Variants in METTL15 observed in about 807,000 individuals in gnomAD.
METTL15 encodes methyltransferase 15, mitochondrial 12S rRNA N4-cytidine.
METTL15 carries 34 observed loss-of-function variants against 38.3 expected under a neutral mutation model. The observed-to-expected ratio is 0.89, with a 90% CI of 0.68 to 1.18. The LOEUF (loss-of-function observed/expected upper bound fraction) is 1.18, where lower values mean the gene tolerates loss of function less well. Ranked by LOEUF, METTL15 falls within the 50% of genes most tolerant of loss-of-function variation. The probability of loss-of-function intolerance (pLI) is 0.00; values close to 1 mark genes in which losing one functional copy is unlikely to be tolerated. For missense variants in METTL15, 438 were observed against 498.4 expected (o/e 0.88, Z 1.15); for synonymous variants, 162 against 170.9 (o/e 0.95, Z 0.41).
rs547003427 is a variant in METTL15 at position 28,475,656 on chromosome 11, T to A, written c.*425-50822T>A. On this transcript the variant is annotated intron_variant and NMD_transcript_variant, in intron 6 of 7. Transcript: ENST00000532947. Reference sequence around the variant, plus strand: ...GTTATGTTCTGTTCAGAGTGTTATCTTTTAGGCTCCCAAGGTTGCAGTTCT... The same window carrying A: ...GTTATGTTCTGTTCAGAGTGTTATCATTTAGGCTCCCAAGGTTGCAGTTCT... Among the ~76,000 whole-genome samples, 3 of 152,324 alleles carry A rather than the reference T, an allele frequency of 2.0e-5. No individual in the cohort carries two copies. In the East Asian group the frequency reaches 5.8e-4, roughly 29 times the overall value.
chr11:28,397,441 T>C (rs1850583284), intron 5 of METTL15, among the ~76,000 whole-genome samples: 1 of 152,096 alleles, frequency 6.6e-6, no homozygotes, highest in African/African-American at 2.4e-5. Flanking sequence ...TATGAACAGA[T>C]ACTTCTCAAA....
Position 28,120,859 on chromosome 11 carries a change from TCC to T in METTL15, c.270+7256_270+7257del, listed in dbSNP as rs1305435795. 1.9e-4 allele frequency among the ~76,000 whole-genome samples: 29 copies of T among 152,286 alleles called. No homozygotes were observed. In the South Asian group the frequency reaches 6.0e-3, roughly 32 times the overall value. ...TTCTCTTGACTGCTTCAGAACCTTG[TCC>T]TTTTTTTCTCCTTTTTTCTTTTTTT... On this transcript the variant is annotated intron_variant, in intron 3 of 6. Coordinates refer to ENST00000407364, the MANE Select transcript of METTL15 (RefSeq NM_001113528.2).
intron 6 of METTL15, among the ~76,000 whole-genome samples, chr11:28,445,797 A>G (rs1037967058): frequency 6.6e-6 from 1 of 151,898 alleles, no homozygotes; most frequent in Admixed American, 6.5e-5. Context: ...AACTACTGAC[A>G]TGTGCCACCA....
At chr11:28,348,589 G>A (rs1472416876) in intron 3 of METTL15, among the ~76,000 whole-genome samples, 1 of 151,772 alleles carries the variant, frequency 6.6e-6, no homozygotes, top group African/African-American at 2.4e-5. Context: ...GGCTGGTCTC[G>A]AACTTCTGGA....
rs1267259476 is a variant in METTL15 at position 28,331,624 on chromosome 11, C to G, written c.*783C>G. On this transcript the variant is annotated 3_prime_UTR_variant, in exon 7 of 7. Coordinates refer to ENST00000407364, the MANE Select transcript of METTL15 (RefSeq NM_001113528.2). ...GCTAATCAAAATAATTCAGCCAAGT[C>G]TATTTGAAATAGAAAACTGTCTATT... is the stretch of plus-strand genomic sequence containing the variant. 2 of 151,118 alleles carry G rather than the reference C, an allele frequency of 1.3e-5. No individual in the cohort carries two copies. The highest frequency in any genetic ancestry group is 3.0e-5 in the Non-Finnish European group (2 of 67,608). The allele number at this position is 151,118 out of a possible 1,614,324, so 9.4% of individuals were successfully genotyped here.
intron 3 of METTL15, among the ~76,000 whole-genome samples, chr11:28,136,584 A>T (rs1418064430): frequency 6.6e-6 from 1 of 152,212 alleles, no homozygotes; most frequent in Non-Finnish European, 1.5e-5. Flanking sequence ...GCATATACTC[A>T]GACATTAGAA....
intron 3 of METTL15, among the ~76,000 whole-genome samples, chr11:28,138,539 G>A (rs1849590466): frequency 6.6e-6 from 1 of 152,196 alleles, no homozygotes; most frequent in Middle Eastern, 3.2e-3. Context: ...GAAGTGGTAA[G>A]CACTTCCTAC....
chr11:28,321,123 C>T (rs1001279638), intron 6 of METTL15, among the ~76,000 whole-genome samples: 4 of 152,142 alleles, frequency 2.6e-5, no homozygotes, highest in Non-Finnish European at 5.9e-5. Context: ...AATCCCCTTC[C>T]TACCTACTCC....
chr11:28,335,196 A>G (rs1161957446), downstream of METTL15, among the ~76,000 whole-genome samples: 1 of 152,168 alleles, frequency 6.6e-6, no homozygotes, highest in Non-Finnish European at 1.5e-5. Context: ...TAAGCCATCA[A>G]ATGATAGGAT....
In METTL15 at chr11:28,452,396, G is replaced by A. The variant is rs112754440; in HGVS notation, c.*424+28032G>A. On this transcript the variant is annotated intron_variant and NMD_transcript_variant, in intron 6 of 7. Coordinates refer to the METTL15 transcript ENST00000532947. ...CATTCTGTAAAATCAATTGCTTTTC[G>A]GTGATATTTAATGACAGCAATACAA... Among the ~76,000 whole-genome samples, 6 of 152,158 alleles carry A rather than the reference G, an allele frequency of 3.9e-5. No homozygotes were observed. In the East Asian group the frequency reaches 5.8e-4, roughly 15 times the overall value.
intron 6 of METTL15, among the ~76,000 whole-genome samples, chr11:28,480,928 A>C (rs1851389862): frequency 6.6e-6 from 1 of 152,148 alleles, no homozygotes; most frequent in African/African-American, 2.4e-5. Flanking sequence ...TGTCCCTTTA[A>C]TGGGACAAAA....
At chr11:28,322,125 G>A (rs1032629613) in intron 6 of METTL15, among the ~76,000 whole-genome samples, 1 of 151,816 alleles carries the variant, frequency 6.6e-6, no homozygotes, top group Non-Finnish European at 1.5e-5. Flanking sequence ...ATCTTAGAGT[G>A]GGAAAAACCT....
intron 5 of METTL15, among the ~76,000 whole-genome samples, chr11:28,389,514 G>A (rs572669744): frequency 6.6e-5 from 10 of 151,392 alleles, no homozygotes; most frequent in Admixed American, 2.0e-4. Context: ...AGTTTACTGA[G>A]AATGATGATT....
chr11:28,338,552 A>G (rs1849922063), intron 3 of METTL15, among the ~76,000 whole-genome samples: 1 of 151,962 alleles, frequency 6.6e-6, no homozygotes, highest in Admixed American at 6.6e-5. Flanking sequence ...CCATATGGTG[A>G]CTCATGTGAA....
chr11:28,182,762 G>T (rs1000176082), intron 3 of METTL15, among the ~76,000 whole-genome samples: 2 of 151,528 alleles, frequency 1.3e-5, no homozygotes, highest in African/African-American at 4.8e-5. Flanking sequence ...TCCATATGAC[G>T]TTTAAACTAG....
At chr11:28,318,080 G>A (rs1857541846) in intron 6 of METTL15, among the ~76,000 whole-genome samples, 1 of 152,178 alleles carries the variant, frequency 6.6e-6, no homozygotes, top group Non-Finnish European at 1.5e-5. Flanking sequence ...GATGGAAGCA[G>A]CAGAGCATCT....
chr11:28,396,929 T>C (rs563041038), intron 5 of METTL15, among the ~76,000 whole-genome samples: 2 of 151,888 alleles, frequency 1.3e-5, no homozygotes, highest in African/African-American at 4.8e-5. Flanking sequence ...CCCTCAGAAA[T>C]AATACCACAC....
intron 5 of METTL15, among the ~76,000 whole-genome samples, chr11:28,397,011 A>G (rs1466989525): frequency 1.3e-5 from 2 of 152,166 alleles, no homozygotes; most frequent in African/African-American, 4.8e-5. Context: ...TATTTAATAA[A>G]TGGTGTTGGG....
chr11:28,428,859 G>C (rs193175373), intron 6 of METTL15, among the ~76,000 whole-genome samples: 1 of 152,052 alleles, frequency 6.6e-6, no homozygotes, highest in Non-Finnish European at 1.5e-5. Flanking sequence ...TCTGTCACTG[G>C]CAGATCCCCT....
Sources: allele counts gnomAD v4.1 joint callset (sites outside exome capture counted in the v4.1 genomes callset), GRCh38; gene constraint gnomAD v4.1.1; transcripts MANE v1.5; gene names NCBI Gene and HGNC (gene_info 2026-07-23, HGNC 2026-07-21).